Variants in ELP4 observed in about 807,000 individuals in gnomAD.
ELP4 encodes elongator acetyltransferase complex subunit 4.
A neutral mutation model predicts 48.9 loss-of-function variants in ELP4; 51 were observed. The ratio of observed to expected loss-of-function variants is 1.04; its 90% CI spans 0.83 to 1.32. ELP4 has a LOEUF of 1.32. Ranked by LOEUF, ELP4 falls within the 40% of genes most tolerant of loss-of-function variation. The pLI is 0.00. For synonymous variants in ELP4, 210 were observed against 189.2 expected, an observed-to-expected ratio of 1.11 and a Z score of -0.90; for missense variants, 519 against 514.6, an observed-to-expected ratio of 1.01 and a Z score of -0.08.
At chr11:31,597,738 G>A (rs1268559661) in intron 4 of ELP4, among the ~76,000 whole-genome samples, 3 of 151,362 alleles carry the variant, frequency 2.0e-5, no homozygotes, top group African/African-American at 4.9e-5. Context: ...CGCCAGGCTA[G>A]CTTTTGTATT....
intron 7 of ELP4, chr11:31,633,028 A>G (rs1944897168): frequency 6.6e-6 from 1 of 152,040 alleles, no homozygotes; most frequent in South Asian, 2.1e-4. Flanking sequence ...GGAGGGCCTG[A>G]TATTTATACT....
At chr11:31,626,376 G>A (rs1212828116) in intron 5 of ELP4, among the ~76,000 whole-genome samples, 1 of 151,770 alleles carries the variant, frequency 6.6e-6, no homozygotes, top group Non-Finnish European at 1.5e-5. Flanking sequence ...TTAATGTTCA[G>A]TCATAGCACA....
chr11:31,538,411 T>C (rs1956538325), intron 2 of ELP4, among the ~76,000 whole-genome samples: 2 of 148,224 alleles, frequency 1.3e-5, no homozygotes, highest in South Asian at 4.2e-4. Context: ...TATATACTTA[T>C]ATGATTATAA....
chr11:31,579,947 A>G (rs1957359788), intron 3 of ELP4, among the ~76,000 whole-genome samples: 1 of 152,126 alleles, frequency 6.6e-6, no homozygotes, highest in South Asian at 2.1e-4. Flanking sequence ...TAAATAAATA[A>G]AAATAATATA....
At chr11:31,645,975 A>G (rs979331833) in intron 7 of ELP4, 2 of 150,462 alleles carry the variant, frequency 1.3e-5, no homozygotes, top group African/African-American at 2.4e-5. Flanking sequence ...TGTCTGGCAG[A>G]CATTTTTGTT....
At chr11:31,723,588 G>A (rs937337273) in intron 9 of ELP4, among the ~76,000 whole-genome samples, 3 of 152,102 alleles carry the variant, frequency 2.0e-5, no homozygotes, top group Non-Finnish European at 1.5e-5. Context: ...GCCAGACATT[G>A]TTCTAAGCAC....
intron 5 of ELP4, 78 bp from the exon 6 acceptor site, chr11:31,627,032 C>T: frequency 2.6e-6 from 2 of 760,840 alleles, no homozygotes; most frequent in Non-Finnish European, 2.3e-6. Flanking sequence ...TAATTATTTA[C>T]TTAATGTTTT....
At chr11:31,716,616 A>G (rs1444801239) in intron 9 of ELP4, among the ~76,000 whole-genome samples, 1 of 152,210 alleles carries the variant, frequency 6.6e-6, no homozygotes, top group Non-Finnish European at 1.5e-5. Context: ...AGTAAGAAAT[A>G]ATACATGTAG....
chr11:31,583,012 G>C (rs913822865), intron 3 of ELP4, among the ~76,000 whole-genome samples: 1 of 152,152 alleles, frequency 6.6e-6, no homozygotes, highest in Non-Finnish European at 1.5e-5. Flanking sequence ...CAGTGCTCCA[G>C]CTTCTGAGGT....
chr11:31,685,366 C>T (rs1282707138), intron 9 of ELP4, among the ~76,000 whole-genome samples: 1 of 151,340 alleles, frequency 6.6e-6, no homozygotes, highest in African/African-American at 2.4e-5. Context: ...ACAACAACAA[C>T]AAAATAGCAA....
intron 1 of ELP4, among the ~76,000 whole-genome samples, chr11:31,514,454 C>T (rs1956069629): frequency 6.6e-6 from 1 of 151,930 alleles, no homozygotes; most frequent in South Asian, 2.1e-4. Flanking sequence ...GAGACCCCAT[C>T]TCAAAAAAAG....
At chr11:31,594,051 A>G (rs1957632216) in intron 3 of ELP4, among the ~76,000 whole-genome samples, 1 of 152,134 alleles carries the variant, frequency 6.6e-6, no homozygotes, top group Non-Finnish European at 1.5e-5. Context: ...AGAAAATAAA[A>G]CAAAATTATT....
intron 9 of ELP4, among the ~76,000 whole-genome samples, chr11:31,739,657 G>A (rs1947403743): frequency 6.6e-6 from 1 of 152,110 alleles, no homozygotes; most frequent in Non-Finnish European, 1.5e-5. Flanking sequence ...TTAAAAGTGT[G>A]AAATGCATGA....
intron 7 of ELP4, among the ~76,000 whole-genome samples, chr11:31,638,895 A>G (rs1308515320): frequency 1.3e-5 from 2 of 151,912 alleles, no homozygotes; most frequent in Non-Finnish European, 2.9e-5. Context: ...TATTCTTAAA[A>G]CAAGAACTAA....
chr11:31,772,977 A>G (rs1184553717), intron 9 of ELP4, among the ~76,000 whole-genome samples: 1 of 152,212 alleles, frequency 6.6e-6, no homozygotes, highest in Non-Finnish European at 1.5e-5. Context: ...ATCATCCTGC[A>G]TATCCCTCTA....
At chr11:31,572,078 A>G (rs1258324394) in intron 3 of ELP4, among the ~76,000 whole-genome samples, 1 of 152,208 alleles carries the variant, frequency 6.6e-6, no homozygotes, top group Non-Finnish European at 1.5e-5. Context: ...TCTAGCCATG[A>G]AAGTCCTAGA....
intron 9 of ELP4, among the ~76,000 whole-genome samples, chr11:31,657,503 G>A (rs1288774904): frequency 1.3e-5 from 2 of 152,020 alleles, no homozygotes; most frequent in East Asian, 1.9e-4. Flanking sequence ...CTGAGTATGT[G>A]TAATAGGTGC....
chr11:31,696,169 C>T (rs1298276166), intron 9 of ELP4, among the ~76,000 whole-genome samples: 1 of 152,126 alleles, frequency 6.6e-6, no homozygotes, highest in African/African-American at 2.4e-5. Flanking sequence ...CTATCTCCTT[C>T]TGTTCTGCTC....
At chr11:31,685,613 T>C (rs1439304563) in intron 9 of ELP4, among the ~76,000 whole-genome samples, 1 of 152,180 alleles carries the variant, frequency 6.6e-6, no homozygotes, top group East Asian at 1.9e-4. Flanking sequence ...GAGACTTTAA[T>C]GAATTTTATT....
Sources: allele counts gnomAD v4.1 joint callset (sites outside exome capture counted in the v4.1 genomes callset), GRCh38; gene constraint gnomAD v4.1.1; transcripts MANE v1.5; gene names NCBI Gene and HGNC (gene_info 2026-07-23, HGNC 2026-07-21).